CFAP69: variants seen among roughly 807,000 people sequenced by gnomAD.
The protein encoded by CFAP69 is cilia- and flagella-associated protein 69.
A neutral mutation model predicts 123.0 loss-of-function variants in CFAP69; 92 were observed. That is an observed-to-expected ratio of 0.75 (90% confidence interval 0.63 to 0.89). CFAP69 has a LOEUF of 0.89. Ranked by LOEUF, CFAP69 falls within the 40% of genes least tolerant of loss-of-function variation. CFAP69 has a pLI of 0.00. For synonymous variants in CFAP69, 380 were observed against 364.3 expected, an observed-to-expected ratio of 1.04 and a Z score of -0.49; for missense variants, 1,067 against 1,096.9, an observed-to-expected ratio of 0.97 and a Z score of 0.39.
rs943171927 is a variant in CFAP69 at position 90,273,971 on chromosome 7, T to C, written c.861-16T>C. The C allele has an allele frequency of 6.4e-7, 1 of 1,555,056 alleles. No individual in the cohort carries two copies. The highest frequency in any genetic ancestry group is 8.7e-7 in the Non-Finnish European group (1 of 1,148,762). ...GTATAACAATATAGTTTTTAAAATATGATTTTACTTTCTAGGGCTTTGAAG... is the reference window on the plus strand; with the variant it reads ...GTATAACAATATAGTTTTTAAAATACGATTTTACTTTCTAGGGCTTTGAAG... On this transcript the variant is annotated splice_polypyrimidine_tract_variant and intron_variant, in intron 8 of 22. Coordinates refer to ENST00000389297, the MANE Select transcript of CFAP69 (RefSeq NM_001039706.3).
chr7:90,275,590 CTTTT>C (rs57578763), intron 9 of CFAP69, among the ~76,000 whole-genome samples: 1,429 of 61,808 alleles, frequency 0.023, no homozygotes, highest in South Asian at 0.061. Context: ...GGCCAAAAGC[CTTTT>C]TTTTTTTTTT....
chr7:90,279,877 A>G lies in CFAP69; in HGVS notation c.1356A>G (p.Glu452=). 6.2e-7 allele frequency: 1 copy of G among 1,604,488 alleles called. No individual in the cohort carries two copies. Among genetic ancestry groups the G allele is most frequent in the East Asian group, 2.2e-5 (1 of 44,676 alleles). ...QGNARVLAFL[E]WCESEDPFFS... is the part of the protein sequence containing the mutation. ...ATGCTCGAGTCCTTGCATTTCTAGA[A>G]TGGTGTGAGAGTGAAGGTGAGTGGC... The change falls in exon 12 of 23, where the codon GAA becomes GAG. Residue 452 remains glutamate, a synonymous_variant. Transcript: ENST00000389297.
intron 17 of CFAP69, chr7:90,301,417 T>C (rs1792789117): frequency 6.6e-6 from 1 of 152,120 alleles, no homozygotes; most frequent in Non-Finnish European, 1.5e-5. Flanking sequence ...TACAGATTAT[T>C]TTGTCACCCA....
intron 5 of CFAP69, among the ~76,000 whole-genome samples, chr7:90,267,459 C>T (rs1799305948): frequency 6.6e-6 from 1 of 152,120 alleles, no homozygotes; most frequent in Non-Finnish European, 1.5e-5. Flanking sequence ...TTCCAGAGTC[C>T]CACAGATCAT....
At chr7:90,265,151 G>A (rs1158367568) in intron 4 of CFAP69, 150 bp from the exon 5 acceptor site, 10 of 504,702 alleles carry the variant, frequency 2.0e-5, no homozygotes, top group African/African-American at 9.7e-5. Context: ...ATTACAACTG[G>A]TAGTTAATAA....
At chr7:90,317,124 G>A in the CFAP69 span, 1 of 151,498 alleles carries the variant, frequency 6.6e-6, no homozygotes, top group African/African-American at 2.4e-5. Context: ...GCAGTTTAAT[G>A]ATAAAGAACA....
At chr7:90,305,878 A>G (rs78446220) in intron 19 of CFAP69, among the ~76,000 whole-genome samples, 1 of 150,962 alleles carries the variant, frequency 6.6e-6, no homozygotes, top group African/African-American at 2.4e-5. Flanking sequence ...TTGTCCTTCT[A>G]CTAATATTAG....
chr7:90,316,475 T>C, the CFAP69 span: 7 of 152,244 alleles, frequency 4.6e-5, no homozygotes, highest in African/African-American at 1.7e-4. Flanking sequence ...ATAAAATTGC[T>C]TTTGAATTAG....
the CFAP69 span, chr7:90,318,459 T>C: frequency 6.6e-6 from 1 of 152,182 alleles, no homozygotes; most frequent in Admixed American, 6.5e-5. Context: ...GGCTTGGTAA[T>C]GAAATGTACA....
chr7:90,282,875 T>C lies in CFAP69; in HGVS notation c.1373-17T>C, dbSNP rs1648951749. ...TTTGAAATGTTTTTGTTTTAAATTA[T>C]CACTTTTTCTCCACAGATCCGTTTT... is the stretch of plus-strand genomic sequence containing the variant. On this transcript the variant is annotated splice_polypyrimidine_tract_variant and intron_variant, in intron 12 of 22. Coordinates refer to ENST00000389297, the MANE Select transcript of CFAP69 (RefSeq NM_001039706.3). 1.4e-6 allele frequency: 2 copies of C among 1,439,908 alleles called. No individual in the cohort carries two copies. The highest frequency in any genetic ancestry group is 1.5e-5 in the African/African-American group (1 of 68,370). The allele number at this position is 1,439,908 out of a possible 1,614,324, so 89.2% of individuals were successfully genotyped here.
In CFAP69 at chr7:90,300,052, G is replaced by C. The variant is rs759798781; in HGVS notation, c.2043G>C (p.Lys681Asn). ...ELGVKRDKNG[K>N]IIDTKKPLFT... ...GAGTAAAACGTGATAAAAATGGGAA[G>C]ATCATTGGTGAGTATATTTATAATT... The change falls in exon 17 of 23, where the codon AAG becomes AAC. Residue 681 changes from lysine to asparagine, a missense_variant. By Grantham distance (94) the Lys-to-Asn change is moderately conservative. Transcript: ENST00000389297. 8 of 1,578,112 alleles carry C rather than the reference G, an allele frequency of 5.1e-6. No individual in the cohort carries two copies. The highest frequency in any genetic ancestry group is 6.0e-6 in the Non-Finnish European group (7 of 1,160,566).
At chr7:90,253,460 G>A (rs1418471999) in intron 1 of CFAP69, among the ~76,000 whole-genome samples, 8 of 152,074 alleles carry the variant, frequency 5.3e-5, no homozygotes, top group East Asian at 1.9e-4. Flanking sequence ...GTGTGATCTC[G>A]AATCACTGCA....
At chr7:90,278,253 T>G (rs920250765) in intron 11 of CFAP69, among the ~76,000 whole-genome samples, 1 of 152,142 alleles carries the variant, frequency 6.6e-6, no homozygotes, top group African/African-American at 2.4e-5. Flanking sequence ...GGTTGTTTGA[T>G]TTCTCTAAAT....
At chr7:90,307,174 T>C (rs1178151392) in intron 20 of CFAP69, 76 bp downstream of exon 20, 4 of 1,017,664 alleles carry the variant, frequency 3.9e-6, no homozygotes, top group Admixed American at 2.3e-5. Flanking sequence ...TTAGATAGAA[T>C]AAGTTCTGTT....
chr7:90,245,605 G>C (rs939841458), intron 1 of CFAP69, 61 bp downstream of exon 1: 5 of 1,428,316 alleles, frequency 3.5e-6, no homozygotes, highest in Non-Finnish European at 3.7e-6. Context: ...CTCGAGACGG[G>C]GTCCAGACCT....
At chr7:90,256,989 A>G (rs1385032141) in intron 2 of CFAP69, among the ~76,000 whole-genome samples, 3 of 152,214 alleles carry the variant, frequency 2.0e-5, no homozygotes, top group Non-Finnish European at 2.9e-5. Context: ...TAAAAATACA[A>G]TCTCTACAGT....
intron 18 of CFAP69, 79 bp downstream of exon 18, chr7:90,304,185 A>G: frequency 7.0e-7 from 1 of 1,419,072 alleles, no homozygotes; most frequent in Non-Finnish European, 9.2e-7. Flanking sequence ...ACAGTTTTTC[A>G]AATATAATGA....
chr7:90,317,657 T>C, the CFAP69 span: 1 of 152,134 alleles, frequency 6.6e-6, no homozygotes, highest in Non-Finnish European at 1.5e-5. Flanking sequence ...TAAGAGTGTT[T>C]ATATATAAAA....
At chr7:90,268,203 A>G in intron 5 of CFAP69, 83 bp from the exon 6 acceptor site, 1 of 777,310 alleles carries the variant, frequency 1.3e-6, no homozygotes, top group Non-Finnish European at 2.1e-6. Flanking sequence ...AATAATCATC[A>G]TATTATTAAC....
Sources: gnomAD v4.1 joint callset for allele counts (sites outside exome capture counted in the v4.1 genomes callset) on GRCh38, gnomAD v4.1.1 for gene constraint, MANE v1.5 for transcripts, NCBI Gene and HGNC (gene_info 2026-07-23, HGNC 2026-07-21) for gene names.